The following ZNF385D variants were observed in gnomAD, a reference collection of about 807,000 sequenced individuals.
ZNF385D encodes zinc finger protein 659.
In ZNF385D, 15 loss-of-function variants were observed where a neutral mutation model predicts 35.8. The observed-to-expected ratio is 0.42, with a 90% CI of 0.28 to 0.64. The LOEUF is 0.64. ZNF385D is among the 30% of genes least tolerant of loss of function. ZNF385D has a pLI of 0.23. For missense variants in ZNF385D, 474 were observed against 494.6 expected (o/e 0.96, Z 0.39); for synonymous variants, 212 against 186.8 (o/e 1.13, Z -1.10).
In ZNF385D at chr3:22,230,096, C is replaced by T. The variant is rs564449290; in HGVS notation, c.107-61061G>A. ...AAAAATCCTTGTTAGTCCTGAGGGACAACGATGAGCCTCCCAGAGGATTCA... is the reference window on the plus strand; with the variant it reads ...AAAAATCCTTGTTAGTCCTGAGGGATAACGATGAGCCTCCCAGAGGATTCA... On this transcript the variant is annotated intron_variant, in intron 2 of 5. Transcript: ENST00000494108. 5.3e-5 allele frequency among the ~76,000 whole-genome samples: 8 copies of T among 152,290 alleles called. No homozygotes were observed. The South Asian group carries it at 1.7e-3, about 32-fold the overall frequency.
intron 3 of ZNF385D, among the ~76,000 whole-genome samples, chr3:21,894,435 A>C (rs2125887089): frequency 6.6e-6 from 1 of 152,318 alleles, no homozygotes; most frequent in South Asian, 2.1e-4. Context: ...CCTGAGTTTT[A>C]AACTTTCTAA....
At chr3:21,653,426 T>G (rs1296107684) in intron 2 of ZNF385D, among the ~76,000 whole-genome samples, 6 of 151,324 alleles carry the variant, frequency 4.0e-5, no homozygotes, top group African/African-American at 1.2e-4. Flanking sequence ...TAAGAAAGAG[T>G]TTTTCTACAT....
upstream of ZNF385D, chr3:21,751,489 A>T: frequency 1.0e-6 from 1 of 976,930 alleles, no homozygotes; most frequent in Non-Finnish European, 1.2e-6. Context: ...ATTAGACAAC[A>T]CTTTTACCCC....
chr3:21,423,770 CA>C (rs1455514363), intron 7 of ZNF385D, among the ~76,000 whole-genome samples, 192 bp downstream of exon 7: 1 of 152,178 alleles, frequency 6.6e-6, no homozygotes, highest in African/African-American at 2.4e-5. Flanking sequence ...GACCAGATTT[CA>C]TGGGATTACT....
intron 3 of ZNF385D, among the ~76,000 whole-genome samples, chr3:21,813,509 GA>G (rs1333898338): frequency 7.2e-5 from 11 of 152,168 alleles, no homozygotes; most frequent in African/African-American, 2.7e-4. Context: ...GACCTTAAAT[GA>G]CCTGATGGAG....
At chr3:22,144,136 A>G (rs867266604) in intron 3 of ZNF385D, among the ~76,000 whole-genome samples, 1 of 152,238 alleles carries the variant, frequency 6.6e-6, no homozygotes, top group Admixed American at 6.5e-5. Context: ...TTTGACAACT[A>G]CAAAAGAATT....
chr3:22,143,630 T>A (rs1704664978), intron 3 of ZNF385D, among the ~76,000 whole-genome samples: 1 of 152,218 alleles, frequency 6.6e-6, no homozygotes, highest in Admixed American at 6.5e-5. Context: ...CCTATATTGA[T>A]GGCCTTTTAG....
At chr3:22,098,939 C>T (rs1701777498) in intron 3 of ZNF385D, among the ~76,000 whole-genome samples, 1 of 151,892 alleles carries the variant, frequency 6.6e-6, no homozygotes, top group Non-Finnish European at 1.5e-5. Context: ...CTATTTAAGC[C>T]AGAAATAATT....
intron 4 of ZNF385D, among the ~76,000 whole-genome samples, chr3:21,461,463 G>A (rs557069296): frequency 2.6e-5 from 4 of 152,112 alleles, no homozygotes; most frequent in Non-Finnish European, 5.9e-5. Flanking sequence ...CAGGAGAATC[G>A]TTTGAACCCA....
rs1559561829 is a variant in ZNF385D, at chr3:21,732,027, GGGGT to G, written c.22+18864_22+18867del. On this transcript the variant is annotated intron_variant, in intron 1 of 7. Transcript: ENST00000281523. ...CTATTCAGGGTTTTTTTCTTTTTTC[GGGGT>G]TTTTTTTTTTTTTTTTTTTTTTTTT... is the stretch of plus-strand genomic sequence containing the variant. Among the ~76,000 whole-genome samples the G allele has an allele frequency of 3.6e-4, 23 of 64,270 alleles. 9 individuals carry two copies. Among genetic ancestry groups the G allele is most frequent in the Admixed American group, 6.4e-4 (4 of 6,286 alleles). The allele number at this position is 64,270 out of a possible 152,430, so 42.2% of individuals were successfully genotyped here.
chr3:22,332,723 GCTATA>G (rs1344603824), intron 2 of ZNF385D, among the ~76,000 whole-genome samples: 2 of 152,078 alleles, frequency 1.3e-5, no homozygotes, highest in African/African-American at 2.4e-5. Flanking sequence ...GAAGCAAGTG[GCTATA>G]CAATGAAAAC....
Position 21,550,164 on chromosome 3 carries a change from A to G in ZNF385D, c.276+14410T>C, listed in dbSNP as rs576499740. Among the ~76,000 whole-genome samples, 6 of 152,342 alleles carry G rather than the reference A, an allele frequency of 3.9e-5. No individual in the cohort carries two copies. The South Asian group carries it at 6.2e-4, about 16-fold the overall frequency. Reference sequence around the variant, plus strand: ...CTTATAAAGAAAATTTGGAAAGTAAAGAAGTAAAAGAATAGTTGACCCCAA... The same window carrying G: ...CTTATAAAGAAAATTTGGAAAGTAAGGAAGTAAAAGAATAGTTGACCCCAA... On this transcript the variant is annotated intron_variant, in intron 3 of 7. Transcript: ENST00000281523.
chr3:21,922,083 G>T (rs976126572), intron 3 of ZNF385D, among the ~76,000 whole-genome samples: 1 of 151,832 alleles, frequency 6.6e-6, no homozygotes, highest in Non-Finnish European at 1.5e-5. Flanking sequence ...TGAACCAAGG[G>T]GGTGAAAGAT....
At chr3:21,871,627 C>G (rs987219777) in intron 3 of ZNF385D, among the ~76,000 whole-genome samples, 1 of 152,006 alleles carries the variant, frequency 6.6e-6, no homozygotes, top group Non-Finnish European at 1.5e-5. Flanking sequence ...CTATCTATGC[C>G]TCTTTGTGAG....
chr3:21,455,606 C>T (rs546486458), intron 4 of ZNF385D, among the ~76,000 whole-genome samples: 31 of 152,222 alleles, frequency 2.0e-4, no homozygotes, highest in African/African-American at 7.2e-4. Flanking sequence ...TAAAGACTTA[C>T]ATGTTAGACC....
At chr3:22,247,331 A>T (rs1016322568) in intron 2 of ZNF385D, among the ~76,000 whole-genome samples, 1 of 152,138 alleles carries the variant, frequency 6.6e-6, no homozygotes, top group Admixed American at 6.6e-5. Context: ...GGTACAGTAG[A>T]AAGTGTGTAT....
chr3:22,340,225 G>A (rs572186907), intron 2 of ZNF385D, among the ~76,000 whole-genome samples: 130 of 152,272 alleles, frequency 8.5e-4, no homozygotes, highest in African/African-American at 3.1e-3. Flanking sequence ...CTGTTAAATT[G>A]CCACTTTGAA....
chr3:21,736,000 G>C (rs920215075), intron 1 of ZNF385D, among the ~76,000 whole-genome samples: 5 of 152,204 alleles, frequency 3.3e-5, no homozygotes, highest in African/African-American at 9.7e-5. Context: ...AATAACAAAG[G>C]GTAGTGCCAG....
chr3:22,037,494 G>C (rs1211120536), intron 3 of ZNF385D, among the ~76,000 whole-genome samples: 7 of 152,008 alleles, frequency 4.6e-5, no homozygotes, highest in Non-Finnish European at 8.8e-5. Flanking sequence ...GTGTCTGTTG[G>C]CTGCATAAAT....
Sources: allele counts gnomAD v4.1 joint callset (sites outside exome capture counted in the v4.1 genomes callset), GRCh38; gene constraint gnomAD v4.1.1; transcripts MANE v1.5; gene names NCBI Gene and HGNC (gene_info 2026-07-23, HGNC 2026-07-21).